SHANK2: variants seen among roughly 807,000 people sequenced by gnomAD.
SHANK2 encodes the protein SH3 and multiple ankyrin repeat domains protein 2.
Under a neutral mutation model 133.7 loss-of-function variants are expected in SHANK2, and 43 were observed. The observed-to-expected ratio is 0.32, with a 90% CI of 0.25 to 0.41. The LOEUF is 0.41. Among genes scored for constraint, SHANK2 ranks in the 10% least tolerant of loss-of-function variants. The pLI is 1.00. For synonymous variants in SHANK2, 1,017 were observed against 952.8 expected, an observed-to-expected ratio of 1.07 and a Z score of -1.24; for missense variants, 1,994 against 2,235.8, an observed-to-expected ratio of 0.89 and a Z score of 2.18.
At chr11:71,118,749 C>T in intron 4 of SHANK2, 80 bp downstream of exon 4, 1 of 1,246,040 alleles carries the variant, frequency 8.0e-7, no homozygotes, top group East Asian at 2.6e-5. Context: ...GGTCTCGCCC[C>T]ACCACCATGT....
chr11:71,172,274 G>A (rs552892632), intron 2 of SHANK2, among the ~76,000 whole-genome samples: 15 of 152,240 alleles, frequency 9.9e-5, no homozygotes, highest in Admixed American at 9.2e-4. Flanking sequence ...AGAATGCAGG[G>A]GCCACGGTGG....
intron 17 of SHANK2, among the ~76,000 whole-genome samples, chr11:70,516,238 T>C (rs1412662665): frequency 6.6e-6 from 1 of 152,284 alleles, no homozygotes; most frequent in Non-Finnish European, 1.5e-5. Flanking sequence ...ACTATACAGC[T>C]ACAGTAATCA....
At chr11:70,946,825 C>T (rs1279666695) in intron 10 of SHANK2, among the ~76,000 whole-genome samples, 1 of 148,492 alleles carries the variant, frequency 6.7e-6, no homozygotes, top group East Asian at 2.0e-4. Flanking sequence ...CCTCCCTCTC[C>T]ACTAACCAAC....
chr11:70,767,076 G>C (rs1947138304), intron 14 of SHANK2, among the ~76,000 whole-genome samples: 1 of 152,338 alleles, frequency 6.6e-6, no homozygotes, highest in African/African-American at 2.4e-5. Flanking sequence ...GAGTTGCAGA[G>C]TGGGGACACA....
intron 15 of SHANK2, among the ~76,000 whole-genome samples, chr11:70,663,306 G>A (rs1392093789): frequency 1.3e-5 from 2 of 152,166 alleles, no homozygotes; most frequent in Non-Finnish European, 2.9e-5. Flanking sequence ...GCTGGTGACA[G>A]CACAGCCACC....
At chr11:70,694,107 G>A (rs1419575070) in intron 15 of SHANK2, among the ~76,000 whole-genome samples, 14 of 152,196 alleles carry the variant, frequency 9.2e-5, no homozygotes, top group Non-Finnish European at 1.9e-4. Flanking sequence ...TTAACGAGGA[G>A]TGGGAACTTA....
At chr11:70,870,742 G>A (rs1949446129) in intron 11 of SHANK2, among the ~76,000 whole-genome samples, 1 of 152,186 alleles carries the variant, frequency 6.6e-6, no homozygotes, top group Non-Finnish European at 1.5e-5. Flanking sequence ...GGTTTGCTCC[G>A]AGTGCATGGC....
In SHANK2 at chr11:70,912,100, AAAAAAAAAAAAAAAAG is replaced by A. The variant is rs1376227197; in HGVS notation, c.1108-15549_1108-15534del. Among the ~76,000 whole-genome samples the A allele has an allele frequency of 2.4e-3, 321 of 133,722 alleles. 6 individuals carry two copies. The highest frequency in any genetic ancestry group is 7.1e-3 in the African/African-American group (212 of 29,912). The allele number at this position is 133,722 out of a possible 152,430, so 87.7% of individuals were successfully genotyped here. ...CTGTCAAAAAAAAAAAAAAAAAAAA[AAAAAAAAAAAAAAAAG>A]AAAGAAAGAAAGAAAGAAAAGAGAA... is the stretch of plus-strand genomic sequence containing the variant. On this transcript the variant is annotated intron_variant, in intron 10 of 25. Transcript: ENST00000601538.
At chr11:71,078,304 T>C (rs1195967022) in intron 8 of SHANK2, among the ~76,000 whole-genome samples, 1 of 152,200 alleles carries the variant, frequency 6.6e-6, no homozygotes, top group Non-Finnish European at 1.5e-5. Context: ...TCTGCAAGTC[T>C]GCCTTGTTGT....
intron 11 of SHANK2, among the ~76,000 whole-genome samples, chr11:70,880,577 G>A (rs142008843): frequency 6.6e-6 from 1 of 152,306 alleles, no homozygotes; most frequent in African/African-American, 2.4e-5. Flanking sequence ...CCTCTGTGAG[G>A]CCAGGGGCAT....
At chr11:70,690,928 T>C (rs1945276328) in intron 15 of SHANK2, among the ~76,000 whole-genome samples, 3 of 152,104 alleles carry the variant, frequency 2.0e-5, no homozygotes, top group African/African-American at 7.2e-5. Context: ...AATCATCACG[T>C]TGGGAAGATA....
At chr11:70,905,428 A>C (rs1365693594) in intron 10 of SHANK2, among the ~76,000 whole-genome samples, 1 of 152,144 alleles carries the variant, frequency 6.6e-6, no homozygotes, top group African/African-American at 2.4e-5. Flanking sequence ...GTAAGCCTGC[A>C]TTCTGAATGA....
At chr11:70,908,212 GGGTCTGAGGACT>G (rs782437314) in intron 10 of SHANK2, 66 of 186,822 alleles carry the variant, frequency 3.5e-4, no homozygotes, top group Non-Finnish European at 7.0e-4. Context: ...AGGGCTGCAT[GGGTCTGAGGACT>G]GCCACTCTGG....
chr11:71,162,620 C>T (rs1555110081), intron 2 of SHANK2, among the ~76,000 whole-genome samples: 1 of 152,092 alleles, frequency 6.6e-6, no homozygotes, highest in Non-Finnish European at 1.5e-5. Flanking sequence ...ATGTCAATTG[C>T]AAAAGAATAG....
intron 10 of SHANK2, among the ~76,000 whole-genome samples, chr11:70,933,847 C>T (rs571727687): frequency 6.7e-6 from 1 of 149,172 alleles, no homozygotes; most frequent in African/African-American, 2.5e-5. Flanking sequence ...TTGCAGTGAG[C>T]TGAGATTGCA....
At chr11:70,538,186 C>G (rs1312900342) in intron 17 of SHANK2, among the ~76,000 whole-genome samples, 3 of 152,236 alleles carry the variant, frequency 2.0e-5, no homozygotes, top group African/African-American at 7.2e-5. Flanking sequence ...AGCTGAGTCA[C>G]CCCACCCGGG....
intron 14 of SHANK2, among the ~76,000 whole-genome samples, chr11:70,714,062 C>T (rs1465200129): frequency 6.6e-6 from 1 of 152,214 alleles, no homozygotes; most frequent in Non-Finnish European, 1.5e-5. Context: ...CTCCCAGCCT[C>T]CCTCCAGGAG....
intron 14 of SHANK2, among the ~76,000 whole-genome samples, chr11:70,759,087 G>C (rs1946933255): frequency 6.6e-6 from 1 of 152,000 alleles, no homozygotes; most frequent in African/African-American, 2.4e-5. Flanking sequence ...GAACCTGGGA[G>C]GCAGAGGTTG....
intron 11 of SHANK2, among the ~76,000 whole-genome samples, chr11:70,840,989 G>A (rs190235106): frequency 6.6e-5 from 10 of 152,280 alleles, no homozygotes; most frequent in East Asian, 5.8e-4. Context: ...TAGGCCAGGC[G>A]TGGTGGCTCA....
Sources: gnomAD v4.1 joint callset for allele counts (sites outside exome capture counted in the v4.1 genomes callset) on GRCh38, gnomAD v4.1.1 for gene constraint, MANE v1.5 for transcripts, NCBI Gene and HGNC (gene_info 2026-07-23, HGNC 2026-07-21) for gene names.